CDKAL1: variants seen among roughly 807,000 people sequenced by gnomAD.
CDKAL1 encodes the protein CDKAL1 threonylcarbamoyladenosine tRNA methylthiotransferase, also known as threonylcarbamoyladenosine tRNA methylthiotransferase.
In CDKAL1, 32 loss-of-function variants were observed where a neutral mutation model predicts 68.2. The ratio of observed to expected loss-of-function variants is 0.47; its 90% CI spans 0.35 to 0.63. The LOEUF (loss-of-function observed/expected upper bound fraction) is 0.63. Among genes scored for constraint, CDKAL1 ranks in the 30% least tolerant of loss-of-function variants. CDKAL1 has a pLI of 0.00. For synonymous variants in CDKAL1, 234 were observed against 244.3 expected (o/e 0.96, Z 0.39); for missense variants, 606 against 696.7 (o/e 0.87, Z 1.47).
chr6:20,883,440 T>G (rs1389946377), intron 9 of CDKAL1, among the ~76,000 whole-genome samples: 1 of 152,230 alleles, frequency 6.6e-6, no homozygotes, highest in Non-Finnish European at 1.5e-5. Context: ...TGAATGTGGG[T>G]GGAACCTGTG....
chr6:20,935,615 AG>A (rs1228640793), intron 9 of CDKAL1, among the ~76,000 whole-genome samples: 1 of 152,110 alleles, frequency 6.6e-6, no homozygotes, highest in Admixed American at 6.5e-5. Flanking sequence ...CTTTTAGTAG[AG>A]ACAGGGTTTT....
chr6:21,065,557 TAAA>T (rs1771390557), intron 12 of CDKAL1, among the ~76,000 whole-genome samples: 1 of 152,012 alleles, frequency 6.6e-6, no homozygotes, highest in Non-Finnish European at 1.5e-5. Flanking sequence ...TATTTGTGTA[TAAA>T]TGAGGCTTCA....
chr6:20,974,829 A>AG (rs1765763625), intron 10 of CDKAL1, among the ~76,000 whole-genome samples: 1 of 150,334 alleles, frequency 6.7e-6, no homozygotes, highest in Non-Finnish European at 1.5e-5. Context: ...AAAAAAAAAA[A>AG]TTAGCTGGGC....
At chr6:20,671,904 C>A (rs890016361) in intron 5 of CDKAL1, among the ~76,000 whole-genome samples, 10 of 151,986 alleles carry the variant, frequency 6.6e-5, no homozygotes, top group African/African-American at 2.4e-4. Context: ...ACACCTGGTG[C>A]TTACACTAGC....
chr6:20,576,062 G>T (rs912238606), intron 4 of CDKAL1, among the ~76,000 whole-genome samples: 1 of 152,106 alleles, frequency 6.6e-6, no homozygotes, highest in African/African-American at 2.4e-5. Flanking sequence ...ATATATGTAA[G>T]GAATTTATCT....
chr6:20,798,967 CATTTA>C (rs1776237345), intron 8 of CDKAL1, among the ~76,000 whole-genome samples: 2 of 138,840 alleles, frequency 1.4e-5, no homozygotes, highest in South Asian at 4.6e-4. Flanking sequence ...GTTTGCATCT[CATTTA>C]AATTGGAACA....
At chr6:21,072,582 C>CAAAAAAAAAAA in intron 12 of CDKAL1, among the ~76,000 whole-genome samples, 1 of 99,896 alleles carries the variant, frequency 1.0e-5, no homozygotes, top group Non-Finnish European at 1.9e-5. Context: ...AAAAAAAAAG[C>CAAAAAAAAAAA]CTGTTTTTGT....
chr6:21,172,026 C>T (rs1160271388), intron 13 of CDKAL1, among the ~76,000 whole-genome samples: 1 of 152,158 alleles, frequency 6.6e-6, no homozygotes, highest in Admixed American at 6.5e-5. Flanking sequence ...AACCGTGAAC[C>T]TTCCTCTCCA....
At chr6:20,622,726 T>C (rs1345860877) in intron 4 of CDKAL1, among the ~76,000 whole-genome samples, 3 of 112,994 alleles carry the variant, frequency 2.7e-5, no homozygotes, top group Non-Finnish European at 5.9e-5. Flanking sequence ...CGAGAAGTGA[T>C]ATTCTGCTAT....
intron 13 of CDKAL1, among the ~76,000 whole-genome samples, chr6:21,143,883 G>A (rs1305859570): frequency 6.6e-6 from 1 of 152,076 alleles, no homozygotes; most frequent in Non-Finnish European, 1.5e-5. Flanking sequence ...CAGCCTGTCT[G>A]GATCGACTCA....
In CDKAL1 at chr6:20,653,157, A is replaced by C. The variant is rs376005927; in HGVS notation, c.371+3780A>C. 3.5e-4 allele frequency among the ~76,000 whole-genome samples: 54 copies of C among 152,266 alleles called. No individual in the cohort carries two copies. The South Asian group carries it at 0.011, about 31-fold the overall frequency. On this transcript the variant is annotated intron_variant, in intron 5 of 15. Coordinates refer to ENST00000274695, the MANE Select transcript of CDKAL1 (RefSeq NM_017774.3). ...GAATTTTTCCCAGTGTTTTGCTTTC[A>C]TGGACATTCCTGCTATGACTATTTT...
chr6:21,040,926 C>T (rs2150894501), intron 11 of CDKAL1, among the ~76,000 whole-genome samples: 1 of 152,166 alleles, frequency 6.6e-6, no homozygotes. Context: ...ACTGCAGTTG[C>T]CCATAGATAG....
chr6:20,806,972 T>TATTC (rs1200064262), intron 8 of CDKAL1, among the ~76,000 whole-genome samples: 10 of 152,324 alleles, frequency 6.6e-5, no homozygotes, highest in African/African-American at 2.2e-4. Flanking sequence ...TTAAAGCATA[T>TATTC]GTTCATTGTA....
At chr6:21,196,809 A>G (rs541501131) in intron 13 of CDKAL1, among the ~76,000 whole-genome samples, 1 of 152,152 alleles carries the variant, frequency 6.6e-6, no homozygotes, top group Non-Finnish European at 1.5e-5. Flanking sequence ...AATCCCCGGC[A>G]CAGTCATTCA....
intron 8 of CDKAL1, among the ~76,000 whole-genome samples, chr6:20,836,338 C>T (rs1463796498): frequency 6.6e-6 from 1 of 152,132 alleles, no homozygotes; most frequent in East Asian, 1.9e-4. Flanking sequence ...AAAAAAGCAG[C>T]ACCGTCACTA....
At chr6:20,895,834 A>G (rs1266563880) in intron 9 of CDKAL1, among the ~76,000 whole-genome samples, 1 of 152,178 alleles carries the variant, frequency 6.6e-6, no homozygotes, top group Non-Finnish European at 1.5e-5. Flanking sequence ...GGCAATATGC[A>G]TATTTCAATA....
chr6:20,968,876 A>G (rs1343185930), intron 10 of CDKAL1, among the ~76,000 whole-genome samples: 1 of 152,006 alleles, frequency 6.6e-6, no homozygotes, highest in East Asian at 1.9e-4. Context: ...GCTGATTTAA[A>G]GTCTTTGTCC....
intron 9 of CDKAL1, among the ~76,000 whole-genome samples, chr6:20,924,896 T>C (rs1238944087): frequency 6.6e-6 from 1 of 152,228 alleles, no homozygotes; most frequent in African/African-American, 2.4e-5. Context: ...CTCGGACTTT[T>C]GTTTAAATGG....
At chr6:21,181,617 A>G (rs778263380) in intron 13 of CDKAL1, among the ~76,000 whole-genome samples, 2 of 152,218 alleles carry the variant, frequency 1.3e-5, no homozygotes, top group Non-Finnish European at 2.9e-5. Context: ...GTATTCTGTT[A>G]TAGCAGCACA....
Sources: gnomAD v4.1 joint callset for allele counts (sites outside exome capture counted in the v4.1 genomes callset) on GRCh38, gnomAD v4.1.1 for gene constraint, MANE v1.5 for transcripts, NCBI Gene and HGNC (gene_info 2026-07-23, HGNC 2026-07-21) for gene names.